AK4: variants seen among roughly 807,000 people sequenced by gnomAD.
AK4 encodes the protein adenylate kinase 4, mitochondrial.
AK4 carries 13 observed loss-of-function variants against 24.6 expected under a neutral mutation model. The observed-to-expected ratio is 0.53, with a 90% CI of 0.34 to 0.84. The LOEUF (loss-of-function observed/expected upper bound fraction) is 0.84, where lower values mean the gene tolerates loss of function less well. Among genes scored for constraint, AK4 ranks in the 40% least tolerant of loss-of-function variants. The probability of loss-of-function intolerance (pLI) is 0.01; values close to 1 mark genes in which losing one functional copy is unlikely to be tolerated. For missense variants in AK4, 192 were observed against 288.2 expected, an observed-to-expected ratio of 0.67 and a Z score of 2.42; for synonymous variants, 88 against 107.0, an observed-to-expected ratio of 0.82 and a Z score of 1.10.
intron 1 of AK4, among the ~76,000 whole-genome samples, chr1:65,170,587 AT>A (rs1650484055): frequency 6.6e-6 from 1 of 152,162 alleles, no homozygotes; most frequent in Non-Finnish European, 1.5e-5. Context: ...TATGGCTGAG[AT>A]TGTGAAAGAC....
At chr1:65,215,576 C>A (rs764694651) in intron 2 of AK4, among the ~76,000 whole-genome samples, 1 of 152,190 alleles carries the variant, frequency 6.6e-6, no homozygotes, top group Non-Finnish European at 1.5e-5. Flanking sequence ...TCCTTCTAAA[C>A]CAGCTTTAGG....
At chr1:65,152,360 C>CTCTCTATATA (rs1277948363) in intron 1 of AK4, among the ~76,000 whole-genome samples, 8 of 27,954 alleles carry the variant, frequency 2.9e-4, no homozygotes, top group African/African-American at 3.3e-4. Flanking sequence ...CTCTCTCTCT[C>CTCTCTATATA]TATATATATA....
At chr1:65,205,034 A>G (rs959050303) in intron 2 of AK4, among the ~76,000 whole-genome samples, 1 of 152,164 alleles carries the variant, frequency 6.6e-6, no homozygotes, top group Non-Finnish European at 1.5e-5. Context: ...CAGCTTTTTC[A>G]TTCAACACTG....
At chr1:65,206,671 G>C (rs1651822476) in intron 2 of AK4, among the ~76,000 whole-genome samples, 1 of 152,194 alleles carries the variant, frequency 6.6e-6, no homozygotes, top group Admixed American at 6.5e-5. Context: ...ACTTGGGTGG[G>C]GGGTGGCTGA....
chr1:65,193,210 T>C (rs895141565), intron 2 of AK4, among the ~76,000 whole-genome samples: 1 of 152,194 alleles, frequency 6.6e-6, no homozygotes, highest in Admixed American at 6.5e-5. Context: ...CCATGCTCTG[T>C]AGGTCTTGCA....
intron 2 of AK4, among the ~76,000 whole-genome samples, chr1:65,211,249 T>C (rs955408352): frequency 2.2e-5 from 3 of 139,162 alleles, no homozygotes; most frequent in African/African-American, 5.3e-5. Flanking sequence ...TAATATGTAA[T>C]ATGAAGAAAA....
intron 2 of AK4, among the ~76,000 whole-genome samples, chr1:65,214,232 T>G (rs1240876712): frequency 1.3e-5 from 2 of 152,164 alleles, no homozygotes; most frequent in African/African-American, 2.4e-5. Flanking sequence ...TGCCTCAGCC[T>G]CCTGAGTAGC....
intron 2 of AK4, among the ~76,000 whole-genome samples, chr1:65,210,780 C>T (rs1406151520): frequency 6.6e-6 from 1 of 152,204 alleles, no homozygotes; most frequent in East Asian, 1.9e-4. Flanking sequence ...CGTCCGCCCC[C>T]TGCCATGCAA....
intron 1 of AK4, among the ~76,000 whole-genome samples, chr1:65,177,939 T>A (rs200732190): frequency 1.3e-5 from 2 of 148,200 alleles, no homozygotes; most frequent in South Asian, 4.2e-4. Flanking sequence ...AGATAGCATT[T>A]AAAAAAAAAA....
chr1:65,161,278 C>T (rs2100993046), intron 1 of AK4, among the ~76,000 whole-genome samples: 1 of 152,152 alleles, frequency 6.6e-6, no homozygotes, highest in Non-Finnish European at 1.5e-5. Context: ...TTCATTTGTC[C>T]CATTTGTCAC....
chr1:65,219,745 A>G (rs1030889913), intron 3 of AK4, among the ~76,000 whole-genome samples: 58 of 152,206 alleles, frequency 3.8e-4, no homozygotes, highest in Non-Finnish European at 2.9e-5. Flanking sequence ...AAAGTTATTA[A>G]CTAAAATTCA....
At chr1:65,224,008 A>ATAAG (rs1359942900) in intron 3 of AK4, among the ~76,000 whole-genome samples, 1 of 152,096 alleles carries the variant, frequency 6.6e-6, no homozygotes, top group Admixed American at 6.6e-5. Flanking sequence ...AAATAAATAA[A>ATAAG]TAAAATAAAA....
intron 1 of AK4, among the ~76,000 whole-genome samples, chr1:65,169,639 A>C (rs1377827371): frequency 6.6e-6 from 1 of 152,212 alleles, no homozygotes; most frequent in Non-Finnish European, 1.5e-5. Flanking sequence ...GGGGCACCAA[A>C]AACACTCAGT....
In AK4 at chr1:65,227,331, C is replaced by CT. The variant is rs1652496742; in HGVS notation, c.*1155dup. The CT allele has an allele frequency of 6.6e-6, 1 of 151,064 alleles. No individual in the cohort carries two copies. Among genetic ancestry groups the CT allele is most frequent in the Non-Finnish European group, 1.5e-5 (1 of 67,738 alleles). 9.4% of individuals were successfully genotyped at this position (151,064 alleles called of 1,614,324 possible). A position where few individuals can be genotyped will look rare whatever the true frequency, so the allele number is the denominator to read the frequency against. On this transcript the variant is annotated 3_prime_UTR_variant, in exon 5 of 5. Coordinates refer to ENST00000327299, the MANE Select transcript of AK4 (RefSeq NM_013410.4). ...GGGGTTGAGCAGAATGTTGTACTAG[C>CT]TGTGCCTGGACTGAGTATAACAGCT...
chr1:65,181,645 C>T (rs903278211), intron 1 of AK4, among the ~76,000 whole-genome samples: 1 of 152,148 alleles, frequency 6.6e-6, no homozygotes, highest in African/African-American at 2.4e-5. Context: ...GTCTTGGCCT[C>T]CCAAAGTGCT....
At chr1:65,170,053 C>T (rs74224785) in intron 1 of AK4, among the ~76,000 whole-genome samples, 24,592 of 151,980 alleles carry the variant, frequency 0.16, 3,010 homozygotes, top group African/African-American at 0.33. Context: ...TGTTAGGTTG[C>T]GTCAGAGTCC....
In AK4 at chr1:65,215,097, TC is replaced by T. The variant is rs1248523835; in HGVS notation, c.266-3656del. Among the ~76,000 whole-genome samples, 9 of 152,304 alleles carry T rather than the reference TC, an allele frequency of 5.9e-5. No individual in the cohort carries two copies. In the East Asian group the frequency reaches 1.4e-3, roughly 23 times the overall value. On this transcript the variant is annotated intron_variant, in intron 2 of 4. Transcript: ENST00000327299. ...CTGCTCTCACTCCTAGATGTTCTAC[TC>T]TAGGAAAGTCTGGGACAGGATCTGA... is the stretch of plus-strand genomic sequence containing the variant.
intron 4 of AK4, among the ~76,000 whole-genome samples, chr1:65,225,219 TAGA>T: frequency 6.6e-6 from 1 of 152,288 alleles, no homozygotes; most frequent in East Asian, 1.9e-4. Context: ...ATGGTTTGGA[TAGA>T]AGATTAGAAG....
intron 1 of AK4, among the ~76,000 whole-genome samples, chr1:65,166,334 G>A (rs1221421358): frequency 1.3e-5 from 2 of 151,672 alleles, no homozygotes; most frequent in African/African-American, 4.8e-5. Context: ...GTGTGTGTGT[G>A]TGTGTGTGTG....
Sources: gnomAD v4.1 joint callset for allele counts (sites outside exome capture counted in the v4.1 genomes callset) on GRCh38, gnomAD v4.1.1 for gene constraint, MANE v1.5 for transcripts, NCBI Gene and HGNC (gene_info 2026-07-23, HGNC 2026-07-21) for gene names.